The following AMHR2 variants were observed in gnomAD, a reference collection of about 807,000 sequenced individuals.
AMHR2 encodes anti-Muellerian hormone type-2 receptor.
A neutral mutation model predicts 61.4 loss-of-function variants in AMHR2; 36 were observed. That is an observed-to-expected ratio of 0.59 (90% CI 0.45 to 0.77). AMHR2 has a LOEUF of 0.77. Among genes scored for constraint, AMHR2 ranks in the 30% least tolerant of loss-of-function variants. The probability of loss-of-function intolerance (pLI) is 0.00; values close to 1 mark genes in which losing one functional copy is unlikely to be tolerated. For missense variants in AMHR2, 638 were observed against 714.6 expected (o/e 0.89, Z 1.22); for synonymous variants, 258 against 279.4 (o/e 0.92, Z 0.76).
chr12:53,425,608 C>T (rs771506798), intron 5 of AMHR2, 35 bp downstream of exon 5: 2 of 1,612,284 alleles, frequency 1.2e-6, no homozygotes, highest in Non-Finnish European at 1.7e-6. Context: ...CTCCTCTGGG[C>T]ACTCCTGGAG....
rs1343996551 is a variant in AMHR2, at chr12:53,428,963, C to T, written c.920C>T (p.Ser307Phe). The T allele has an allele frequency of 6.4e-7, 1 of 1,551,590 alleles. No homozygotes were observed. The highest frequency in any genetic ancestry group is 2.4e-5 in the East Asian group (1 of 40,920). The change falls in exon 7 of 11, where the codon TCC becomes TTC. Residue 307 changes from serine to phenylalanine, a missense_variant. Ser to Phe is a radical substitution (Grantham distance 155). Transcript: ENST00000257863. ...DWGSSLRMAL[S>F]LAQGLAFLHE... ...GGAAGTTCCCTGCGGATGGCACTGT[C>T]CCTGGCCCAGGGCCTGGCATTTCTC...
At position 53,429,594 on chromosome 12, in the gene AMHR2, C is replaced by T. The variant is rs756641073; in HGVS notation, c.1109C>T (p.Thr370Ile). ...GLTQPPAWTP[T>I]QPQGPAAIME... ...ACTCAGCCCCCTGCCTGGACCCCTA[C>T]TCAACCACAAGGCCCAGCTGCCATC... Residue 370 changes from threonine (T) to isoleucine (I), a missense_variant, in exon 8 of 11, where the codon ACT becomes ATT. Transcript: ENST00000257863. 6.2e-7 allele frequency: 1 copy of T among 1,614,164 alleles called. No homozygotes were observed. Among genetic ancestry groups the T allele is most frequent in the Non-Finnish European group, 8.5e-7 (1 of 1,180,016 alleles).
At chr12:53,427,432 G>A (rs916662984) in intron 6 of AMHR2, among the ~76,000 whole-genome samples, 1 of 152,038 alleles carries the variant, frequency 6.6e-6, no homozygotes, top group African/African-American at 2.4e-5. Flanking sequence ...TTTAGACAGA[G>A]TCTCATTCTG....
At chr12:53,429,999 C>A in intron 9 of AMHR2, 21 bp downstream of exon 9, 4 of 1,614,150 alleles carry the variant, frequency 2.5e-6, no homozygotes, top group Non-Finnish European at 3.4e-6. Flanking sequence ...GTGGTACAGT[C>A]CCCTCTCCTG....
rs752995431 is a variant in AMHR2, at chr12:53,425,521, G to A, written c.569G>A (p.Gly190Asp). 6 of 1,613,984 alleles carry A rather than the reference G, an allele frequency of 3.7e-6. No individual in the cohort carries two copies. The South Asian group carries it at 5.5e-5, about 15-fold the overall frequency. Reference sequence around the variant, plus strand: ...GTGCCAGAGCCAAGGCCAGACTCAGGCAGGGACTGGAGTGTGGAGCTGCAG... The same window carrying A: ...GTGCCAGAGCCAAGGCCAGACTCAGACAGGGACTGGAGTGTGGAGCTGCAG... ...EPVPEPRPDSGRDWSVELQEL... is the reference protein window; with the variant it reads ...EPVPEPRPDSDRDWSVELQEL... Residue 190 changes from glycine (G) to aspartate (D), a missense_variant, in exon 5 of 11, where the codon GGC becomes GAC. Gly to Asp is a moderately conservative substitution (Grantham distance 94). Transcript: ENST00000257863.
At position 53,423,956 on chromosome 12, in the gene AMHR2, T is replaced by C. The variant is rs757644527; in HGVS notation, c.22T>C (p.Trp8Arg). The change falls in exon 1 of 11, where the codon TGG (tryptophan) becomes CGG (arginine). Residue 8 changes from tryptophan to arginine, a missense_variant. Transcript: ENST00000257863. MLGSLGLWALLPTAVEAP... is the reference protein window; with the variant it reads MLGSLGLRALLPTAVEAP... The stretch of plus-strand genomic sequence containing the variant: ...CAAGATGCTAGGGTCTTTGGGGCTT[T>C]GGGCATTACTTCCCACAGCTGTGGA... 6.2e-7 allele frequency: 1 copy of C among 1,614,160 alleles called. No homozygotes were observed. Among genetic ancestry groups the C allele is most frequent in the Non-Finnish European group, 8.5e-7 (1 of 1,180,012 alleles).
chr12:53,429,310 T>C, intron 7 of AMHR2, 143 bp from the exon 8 acceptor site: 1 of 894,386 alleles, frequency 1.1e-6, no homozygotes, highest in African/African-American at 1.7e-5. Flanking sequence ...GAGAATCACT[T>C]GAACCCGGGA....
chr12:53,430,318 G>A, intron 10 of AMHR2, 36 bp downstream of exon 10: 1 of 1,614,130 alleles, frequency 6.2e-7, no homozygotes, highest in East Asian at 2.2e-5. Context: ...GGAACCTGGA[G>A]AGTGGGGGCT....
At position 53,424,347 on chromosome 12, in the gene AMHR2, A is replaced by G; in HGVS notation, c.109A>G (p.Lys37Glu). 5 of 1,613,266 alleles carry G rather than the reference A, an allele frequency of 3.1e-6. No individual in the cohort carries two copies. Among genetic ancestry groups the G allele is most frequent in the Non-Finnish European group, 4.2e-6 (5 of 1,180,010 alleles). Residue 37 changes from lysine (K) to glutamate (E), a missense_variant, in exon 2 of 11, where the codon AAG (lysine) becomes GAG (glutamate). Physicochemically the swap from Lys to Glu is moderately conservative, Grantham distance 56. Transcript: ENST00000257863. ...GGCCCCTGGAGTGCGGGGAAGCACA[A>G]AGACACTGGGAGAGCTGCTAGATAC... ...FEAPGVRGST[K>E]TLGELLDTGT... is the part of the protein sequence containing the mutation.
At position 53,431,364 on chromosome 12, in the gene AMHR2, C is replaced by A; in HGVS notation, c.1613C>A (p.Ala538Asp). ...LCPEDCTSIPAPTILPCRPQR... is the reference protein window; with the variant it reads ...LCPEDCTSIPDPTILPCRPQR... The stretch of plus-strand genomic sequence containing the variant: ...CCAGAAGACTGTACTTCAATTCCTG[C>A]CCCTACCATCCTCCCCTGTAGGCCT... The change falls in exon 11 of 11, where the codon GCC (alanine) becomes GAC (aspartate). Residue 538 changes from alanine to aspartate, a missense_variant. Physicochemically the swap from Ala to Asp is moderately radical, Grantham distance 126 (BLOSUM62 -2). Transcript: ENST00000257863. The A allele has an allele frequency of 6.2e-7, 1 of 1,614,224 alleles. No individual in the cohort carries two copies. Among genetic ancestry groups the A allele is most frequent in the Non-Finnish European group, 8.5e-7 (1 of 1,180,050 alleles).
chr12:53,424,999 C>T (rs953428603), intron 3 of AMHR2, 99 bp downstream of exon 3: 1 of 1,554,418 alleles, frequency 6.4e-7, no homozygotes, highest in African/African-American at 1.4e-5. Context: ...CCGCCCCACG[C>T]TTTCCTCCTC....
At chr12:53,429,128 C>A (rs1030440038) in intron 7 of AMHR2, 118 bp downstream of exon 7, 2 of 989,264 alleles carry the variant, frequency 2.0e-6, no homozygotes, top group East Asian at 5.2e-5. Context: ...CACGGTGGCT[C>A]ACGCCTATAA....
At chr12:53,424,667 GC>G (rs760223795) in intron 2 of AMHR2, 41 bp from the exon 3 acceptor site, 12 of 1,593,346 alleles carry the variant, frequency 7.5e-6, no homozygotes, top group South Asian at 1.1e-5. Flanking sequence ...TTTCTTCCTT[GC>G]CCCCCCTTTC....
At chr12:53,425,004 C>A in intron 3 of AMHR2, 104 bp downstream of exon 3, 1 of 1,557,224 alleles carries the variant, frequency 6.4e-7, no homozygotes, top group Non-Finnish European at 8.7e-7. Flanking sequence ...CCACGCTTTC[C>A]TCCTCCTGGC....
At position 53,424,697 on chromosome 12, in the gene AMHR2, C is replaced by T. The variant is rs753454794; in HGVS notation, c.233-12C>T. 13 of 1,612,918 alleles carry T rather than the reference C, an allele frequency of 8.1e-6. No homozygotes were observed. The highest frequency in any genetic ancestry group is 1.7e-5 in the Admixed American group (1 of 59,920). ...CCCTTTCTCTCCTCTTCCCCTAATC[C>T]CATCCCATCAGGATGCCGAGACAGT... On this transcript the variant is annotated splice_polypyrimidine_tract_variant and intron_variant, in intron 2 of 10. Coordinates refer to ENST00000257863, the MANE Select transcript of AMHR2 (RefSeq NM_020547.3).
intron 10 of AMHR2, chr12:53,430,773 G>A (rs796277156): frequency 1.2e-4 from 45 of 361,156 alleles, no homozygotes; most frequent in African/African-American, 8.3e-4. Flanking sequence ...AAAGTTCAGG[G>A]CTTTGCACAA....
At chr12:53,425,290 A>T in intron 4 of AMHR2, 48 bp downstream of exon 4, 1 of 1,610,134 alleles carries the variant, frequency 6.2e-7, no homozygotes, top group Non-Finnish European at 8.5e-7. Context: ...ACATTGCCCC[A>T]AAAGCTCTGA....
chr12:53,425,346 G>A (rs1939468844), intron 4 of AMHR2, 104 bp downstream of exon 4: 2 of 1,605,328 alleles, frequency 1.2e-6, no homozygotes, highest in South Asian at 2.2e-5. Context: ...GATCTCTATA[G>A]CCTGATTCCC....
In AMHR2 at chr12:53,425,246, C is replaced by T. The variant is rs1376782007; in HGVS notation, c.502+4C>T. On this transcript the variant is annotated splice_donor_region_variant and intron_variant, in intron 4 of 10. Transcript: ENST00000257863. ...CTGCTGGGCAGCATCATCTTGGGTA[C>T]TAATCCACCCCATCCCTCCCTTGTG... 1 of 1,613,416 alleles carries T rather than the reference C, an allele frequency of 6.2e-7. No homozygotes were observed. Among genetic ancestry groups the T allele is most frequent in the Non-Finnish European group, 8.5e-7 (1 of 1,180,018 alleles).
Sources: allele counts gnomAD v4.1 joint callset (sites outside exome capture counted in the v4.1 genomes callset), GRCh38; gene constraint gnomAD v4.1.1; transcripts MANE v1.5; gene names NCBI Gene and HGNC (gene_info 2026-07-23, HGNC 2026-07-21).